Variants in AGO3 observed in about 807,000 individuals in gnomAD.
The protein encoded by AGO3 is protein argonaute-3.
A neutral mutation model predicts 105.5 loss-of-function variants in AGO3; 16 were observed. The observed-to-expected ratio is 0.15, with a 90% CI of 0.10 to 0.23. The LOEUF is 0.23. Among genes scored for constraint, AGO3 ranks in the 10% least tolerant of loss-of-function variants. The pLI is 1.00. For missense variants in AGO3, 534 were observed against 1,088.0 expected, an observed-to-expected ratio of 0.49 and a Z score of 7.16; for synonymous variants, 340 against 367.3, an observed-to-expected ratio of 0.93 and a Z score of 0.85.
intron 14 of AGO3, among the ~76,000 whole-genome samples, chr1:36,038,073 T>C (rs982507142): frequency 8.5e-5 from 13 of 152,148 alleles, no homozygotes; most frequent in Admixed American, 5.9e-4. Flanking sequence ...AAGTAATGAG[T>C]GCCACATAGT....
Position 36,070,325 on chromosome 1 carries a change from A to C in AGO3, c.*14580A>C, listed in dbSNP as rs1160248127. 6.6e-6 allele frequency: 1 copy of C among 152,224 alleles called. No homozygotes were observed. The highest frequency in any genetic ancestry group is 1.5e-5 in the Non-Finnish European group (1 of 68,042). The allele number at this position is 152,224 out of a possible 1,614,324, so 9.4% of individuals were successfully genotyped here. A position where few individuals can be genotyped will look rare whatever the true frequency, so the allele number is the denominator to read the frequency against. On this transcript the variant is annotated 3_prime_UTR_variant, in exon 19 of 19. Coordinates refer to ENST00000373191, the MANE Select transcript of AGO3 (RefSeq NM_024852.4). ...AATCATCATGTACCTATAAAGGTTA[A>C]AATATAGTGAAAGTTTCTGCTTCAT...
intron 16 of AGO3, among the ~76,000 whole-genome samples, chr1:36,041,381 A>T (rs1390313690): frequency 2.6e-5 from 4 of 151,276 alleles, no homozygotes; most frequent in African/African-American, 4.9e-5. Context: ...AGCTGGGACT[A>T]CAGGCGCCTG....
chr1:35,949,068 C>G (rs936816991), intron 2 of AGO3, among the ~76,000 whole-genome samples: 1 of 152,102 alleles, frequency 6.6e-6, no homozygotes, highest in East Asian at 1.9e-4. Context: ...CTCAGCCTCC[C>G]GAGTAGCTGG....
chr1:36,012,126 G>A (rs982459590), intron 9 of AGO3, among the ~76,000 whole-genome samples: 1 of 151,954 alleles, frequency 6.6e-6, no homozygotes, highest in Non-Finnish European at 1.5e-5. Flanking sequence ...GTTGAGCCCA[G>A]GAGTTCAAGA....
chr1:35,950,464 T>G (rs1314102922), intron 2 of AGO3, among the ~76,000 whole-genome samples: 1 of 152,206 alleles, frequency 6.6e-6, no homozygotes, highest in Non-Finnish European at 1.5e-5. Flanking sequence ...GTGAATCATT[T>G]TGTGGGTCAA....
At chr1:35,993,715 G>T (rs997668527) in intron 5 of AGO3, among the ~76,000 whole-genome samples, 1 of 148,168 alleles carries the variant, frequency 6.7e-6, no homozygotes, top group African/African-American at 2.5e-5. Flanking sequence ...AATAGAAAAG[G>T]CTTCCCCAAC....
chr1:35,977,542 G>A (rs1646976028), intron 5 of AGO3, among the ~76,000 whole-genome samples: 1 of 151,612 alleles, frequency 6.6e-6, no homozygotes, highest in South Asian at 2.1e-4. Flanking sequence ...ACAGACACAT[G>A]TTACCACACC....
rs553096018 is a variant in AGO3, at chr1:35,934,620, A to G, written c.19+3175A>G. Among the ~76,000 whole-genome samples the G allele has an allele frequency of 2.6e-5, 4 of 152,230 alleles. No homozygotes were observed. In the East Asian group the frequency reaches 5.8e-4, roughly 22 times the overall value. On this transcript the variant is annotated intron_variant, in intron 1 of 18. Transcript: ENST00000373191. ...AATATGTAATGCCATCAGGGTCCCAATTTAGTATTTAAAACAATCTTCTTT... is the reference window on the plus strand; with the variant it reads ...AATATGTAATGCCATCAGGGTCCCAGTTTAGTATTTAAAACAATCTTCTTT...
chr1:35,937,873 T>A (rs990341407), intron 1 of AGO3, among the ~76,000 whole-genome samples: 7 of 152,304 alleles, frequency 4.6e-5, no homozygotes, highest in Non-Finnish European at 7.4e-5. Context: ...CCATGCTGTT[T>A]ACTACGTAGC....
chr1:35,947,926 A>G (rs1280083595), intron 2 of AGO3, among the ~76,000 whole-genome samples: 1 of 152,268 alleles, frequency 6.6e-6, no homozygotes, highest in South Asian at 2.1e-4. Context: ...TAGCTGAGCC[A>G]TGGGCCTGTA....
intron 2 of AGO3, among the ~76,000 whole-genome samples, chr1:35,962,282 A>G (rs1041151937): frequency 1.3e-5 from 2 of 152,078 alleles, no homozygotes; most frequent in African/African-American, 4.8e-5. Context: ...CGTGGCTCAC[A>G]CCTGTAATCC....
intron 2 of AGO3, among the ~76,000 whole-genome samples, chr1:35,966,316 G>C (rs1460022543): frequency 6.6e-6 from 1 of 152,038 alleles, no homozygotes; most frequent in Non-Finnish European, 1.5e-5. Context: ...CAAAAAATAC[G>C]TATTGATTTG....
Position 36,062,686 on chromosome 1 carries a change from A to G in AGO3, c.*6941A>G, listed in dbSNP as rs1643040482. 1.3e-5 allele frequency: 2 copies of G among 152,192 alleles called. No individual in the cohort carries two copies. The highest frequency in any genetic ancestry group is 1.3e-4 in the Admixed American group (2 of 15,280). 9.4% of individuals were successfully genotyped at this position (152,192 alleles called of 1,614,324 possible). On this transcript the variant is annotated 3_prime_UTR_variant, in exon 19 of 19. Coordinates refer to ENST00000373191, the MANE Select transcript of AGO3 (RefSeq NM_024852.4). The stretch of plus-strand genomic sequence containing the variant: ...ACCAGGAAGCAGTAAATAGCAGTAA[A>G]TGATCACCTAGGCACTTCTTTCCTG...
At chr1:36,028,613 T>C (rs1478573724) in intron 12 of AGO3, among the ~76,000 whole-genome samples, 1 of 151,958 alleles carries the variant, frequency 6.6e-6, no homozygotes, top group Non-Finnish European at 1.5e-5. Flanking sequence ...CCATGGTGTA[T>C]ATGTGCCACA....
Position 36,061,216 on chromosome 1 carries a change from A to G in AGO3, c.*5471A>G, listed in dbSNP as rs1414179406. 1 of 151,894 alleles carries G rather than the reference A, an allele frequency of 6.6e-6. No individual in the cohort carries two copies. The highest frequency in any genetic ancestry group is 1.9e-4 in the East Asian group (1 of 5,196). 9.4% of individuals were successfully genotyped at this position (151,894 alleles called of 1,614,324 possible). A position where few individuals can be genotyped will look rare whatever the true frequency, so the allele number is the denominator to read the frequency against. On this transcript the variant is annotated 3_prime_UTR_variant, in exon 19 of 19. Coordinates refer to ENST00000373191, the MANE Select transcript of AGO3 (RefSeq NM_024852.4). ...TGTGTGTATATGTATGAGTGTGTAT[A>G]TATATAATCTCACACACACACACAA...
At chr1:36,053,317 G>T (rs1432574031) in intron 17 of AGO3, among the ~76,000 whole-genome samples, 2 of 150,600 alleles carry the variant, frequency 1.3e-5, no homozygotes, top group East Asian at 3.9e-4. Context: ...GTCTCGCTCT[G>T]TCACCCAGGC....
At chr1:35,987,104 G>A (rs1323198936) in intron 5 of AGO3, among the ~76,000 whole-genome samples, 1 of 152,028 alleles carries the variant, frequency 6.6e-6, no homozygotes, top group East Asian at 1.9e-4. Context: ...AAGGCAGGTG[G>A]ATCACTTGAG....
At chr1:36,021,595 G>A (rs1641227579) in intron 11 of AGO3, among the ~76,000 whole-genome samples, 1 of 151,850 alleles carries the variant, frequency 6.6e-6, no homozygotes, top group African/African-American at 2.4e-5. Flanking sequence ...CTGTTGTAGG[G>A]GACCTCTGTA....
intron 11 of AGO3, among the ~76,000 whole-genome samples, chr1:36,026,115 C>CTGTT (rs143513710): frequency 0.015 from 2,306 of 151,846 alleles, 50 homozygotes; most frequent in African/African-American, 0.053. Flanking sequence ...CCTGCCTCAT[C>CTGTT]TGTTTATTTG....
Sources: allele counts gnomAD v4.1 joint callset (sites outside exome capture counted in the v4.1 genomes callset), GRCh38; gene constraint gnomAD v4.1.1; transcripts MANE v1.5; gene names NCBI Gene and HGNC (gene_info 2026-07-23, HGNC 2026-07-21).